Variants in ZNF627 observed in about 807,000 individuals in gnomAD.
ZNF627 encodes the protein zinc finger protein 627.
A neutral mutation model predicts 10.6 loss-of-function variants in ZNF627; 12 were observed. The ratio of observed to expected loss-of-function variants is 1.13; its 90% CI spans 0.73 to 1.84. The LOEUF (loss-of-function observed/expected upper bound fraction) is 1.84. Among genes scored for constraint, ZNF627 ranks in the 40% most tolerant of loss-of-function variants. The pLI is 0.00. For missense variants in ZNF627, 504 were observed against 568.4 expected, an observed-to-expected ratio of 0.89 and a Z score of 1.15; for synonymous variants, 176 against 187.1, an observed-to-expected ratio of 0.94 and a Z score of 0.48.
rs1310184494 is a variant in ZNF627, at chr19:11,617,500, G to A, written c.997G>A (p.Gly333Arg). ...ACACATGATAAAGCACACTGGCAAT[G>A]GACCTTATAAATGTAAGGTGTGTGG... ...RRHMIKHTGN[G>R]PYKCKVCGKA... The change falls in exon 4 of 4, where the codon GGA (glycine) becomes AGA (arginine). Residue 333 changes from glycine (G) to arginine (R), a missense_variant. Coordinates refer to ENST00000361113, the MANE Select transcript of ZNF627 (RefSeq NM_145295.4). 6.2e-7 allele frequency: 1 copy of A among 1,613,162 alleles called. No homozygotes were observed. The highest frequency in any genetic ancestry group is 1.7e-5 in the Admixed American group (1 of 59,900).
chr19:11,606,805 C>G (rs1049329262), intron 1 of ZNF627, among the ~76,000 whole-genome samples: 2 of 152,238 alleles, frequency 1.3e-5, no homozygotes, highest in African/African-American at 4.8e-5. Context: ...AGGACCAACA[C>G]CACATGGCAG....
At chr19:11,603,659 A>T (rs758143652) in intron 1 of ZNF627, among the ~76,000 whole-genome samples, 3 of 152,100 alleles carry the variant, frequency 2.0e-5, no homozygotes, top group African/African-American at 7.2e-5. Flanking sequence ...TCTATTTCAC[A>T]TAGCTGTGAA....
rs767581301 is a variant in ZNF627 at position 11,597,646 on chromosome 19, C to G, written c.3+16C>G. 6.0e-6 allele frequency: 8 copies of G among 1,337,052 alleles called. No homozygotes were observed. Among genetic ancestry groups the G allele is most frequent in the Non-Finnish European group, 7.7e-6 (8 of 1,037,398 alleles). 82.8% of individuals were successfully genotyped at this position (1,337,052 alleles called of 1,614,324 possible). On this transcript the variant is annotated intron_variant, in intron 1 of 3. Transcript: ENST00000361113. ...CCGAGAAATGGTGCGTGTGAGGGGT[C>G]AGGCGTCCCCAGACCTGGGGGAGGG...
intron 1 of ZNF627, among the ~76,000 whole-genome samples, chr19:11,603,720 T>A (rs35675058): frequency 0.41 from 62,846 of 151,952 alleles, 13,287 homozygotes; most frequent in Non-Finnish European, 0.47. Flanking sequence ...AAACTTTATT[T>A]TTTAGACCGG....
chr19:11,613,970 G>A (rs1448515491), intron 1 of ZNF627, among the ~76,000 whole-genome samples: 1 of 146,154 alleles, frequency 6.8e-6, no homozygotes, highest in Non-Finnish European at 1.5e-5. Flanking sequence ...CACCCGGTCT[G>A]GAGTGCAGTG....
At chr19:11,597,692 A>G (rs544272621) in intron 1 of ZNF627, 62 bp downstream of exon 1, 3 of 1,326,196 alleles carry the variant, frequency 2.3e-6, no homozygotes, top group South Asian at 2.8e-5. Context: ...ACCGGCCGGA[A>G]CCGGCTGTGG....
At chr19:11,598,551 G>T (rs1973531802) in intron 1 of ZNF627, among the ~76,000 whole-genome samples, 1 of 152,174 alleles carries the variant, frequency 6.6e-6, no homozygotes. Flanking sequence ...ACACTCCCCA[G>T]GGGGACAGGG....
rs747117108 is a variant in ZNF627 at position 11,617,375 on chromosome 19, C to T, written c.872C>T (p.Ala291Val). 6.2e-6 allele frequency: 10 copies of T among 1,613,930 alleles called. No homozygotes were observed. Among genetic ancestry groups the T allele is most frequent in the Non-Finnish European group, 7.6e-6 (9 of 1,180,016 alleles). The change falls in exon 4 of 4, where the codon GCC (alanine) becomes GTC (valine). Residue 291 changes from alanine to valine, a missense_variant. Physicochemically the swap from Ala to Val is moderately conservative, Grantham distance 64 (BLOSUM62 0). Transcript: ENST00000361113. ...CKQCGKAFRC[A>V]SSVRSHERTH... ...CAGTGCGGTAAAGCCTTTAGGTGCG[C>T]CAGTTCTGTTCGAAGTCACGAGAGG... is the stretch of plus-strand genomic sequence containing the variant.
intron 1 of ZNF627, among the ~76,000 whole-genome samples, chr19:11,605,649 T>C (rs933896154): frequency 6.6e-6 from 1 of 152,036 alleles, no homozygotes; most frequent in African/African-American, 2.4e-5. Context: ...AATGATTAAA[T>C]TATCTCCCAC....
chr19:11,617,171 A>T lies in ZNF627; in HGVS notation c.668A>T (p.Tyr223Phe). 1.2e-6 allele frequency: 2 copies of T among 1,613,882 alleles called. No homozygotes were observed. Among genetic ancestry groups the T allele is most frequent in the African/African-American group, 1.3e-5 (1 of 74,992 alleles). ...HERSHTGEKPYECKQCGKAFS... is the reference protein window; with the variant it reads ...HERSHTGEKPFECKQCGKAFS... ...AGAAGTCACACTGGAGAGAAACCTT[A>T]TGAATGCAAGCAATGTGGGAAAGCC... is the stretch of plus-strand genomic sequence containing the variant. Residue 223 changes from tyrosine to phenylalanine, a missense_variant, in exon 4 of 4, where the codon TAT becomes TTT. Tyr to Phe is a conservative substitution (Grantham distance 22). Coordinates refer to ENST00000361113, the MANE Select transcript of ZNF627 (RefSeq NM_145295.4).
intron 1 of ZNF627, among the ~76,000 whole-genome samples, chr19:11,605,358 C>T (rs1035417274): frequency 6.6e-5 from 10 of 151,910 alleles, no homozygotes; most frequent in African/African-American, 2.4e-4. Flanking sequence ...CCTAGTTTTT[C>T]CCAGGGCTCT....
rs370408033 is a variant in ZNF627 at position 11,614,036 on chromosome 19, C to T, written c.4-491C>T. Among the ~76,000 whole-genome samples the T allele has an allele frequency of 2.0e-5, 3 of 151,288 alleles. No individual in the cohort carries two copies. The South Asian group carries it at 6.2e-4, about 32-fold the overall frequency. ...TTCTGGGTTCACGCCATTCTTCTAC[C>T]TCAGCCTCCTGAGTAGCTGGGACTA... On this transcript the variant is annotated intron_variant, in intron 1 of 3. Coordinates refer to ENST00000361113, the MANE Select transcript of ZNF627 (RefSeq NM_145295.4).
chr19:11,597,527 C>G lies in ZNF627; in HGVS notation c.-101C>G, dbSNP rs1726132628. 2 of 1,230,010 alleles carry G rather than the reference C, an allele frequency of 1.6e-6. No individual in the cohort carries two copies. The highest frequency in any genetic ancestry group is 4.0e-5 in the Admixed American group (1 of 25,044). 76.2% of individuals were successfully genotyped at this position (1,230,010 alleles called of 1,614,324 possible). On this transcript the variant is annotated 5_prime_UTR_variant, in exon 1 of 4. Transcript: ENST00000361113. ...ACCCGGGCTCGCGTCTCCGTTTCTC[C>G]GAGAGGCCCAAGGTGTCTCCGCCGC...
At chr19:11,601,013 A>G (rs892451037) in intron 1 of ZNF627, among the ~76,000 whole-genome samples, 1 of 152,222 alleles carries the variant, frequency 6.6e-6, no homozygotes, top group Non-Finnish European at 1.5e-5. Context: ...AATTAAATGC[A>G]TAACCTTGAC....
Position 11,617,872 on chromosome 19 carries a change from G to A in ZNF627, c.1369G>A (p.Val457Ile). ...GAACCCTAACCCTAACGCTTCAGTT[G>A]TCCCAGTTCTTTCATGAGCATGAAA... Reference protein sequence around the residue: ...YENPNPNASVVPVLS With the variant: ...YENPNPNASVIPVLS The change falls in exon 4 of 4, where the codon GTC (valine) becomes ATC (isoleucine). Residue 457 changes from valine (V) to isoleucine (I), a missense_variant. Val to Ile is a conservative substitution (Grantham distance 29). Transcript: ENST00000361113. 2 of 1,540,638 alleles carry A rather than the reference G, an allele frequency of 1.3e-6. No individual in the cohort carries two copies. Among genetic ancestry groups the A allele is most frequent in the Admixed American group, 2.1e-5 (1 of 47,108 alleles).
At position 11,618,120 on chromosome 19, in the gene ZNF627, C is replaced by T. The variant is rs892276769; in HGVS notation, c.*231C>T. Reference sequence around the variant, plus strand: ...TTGGTAGGTTAGGAACTAGATTTCCCAGAATCCATTCCATTTGTGATTCCA... The same window carrying T: ...TTGGTAGGTTAGGAACTAGATTTCCTAGAATCCATTCCATTTGTGATTCCA... On this transcript the variant is annotated 3_prime_UTR_variant, in exon 4 of 4. Coordinates refer to ENST00000361113, the MANE Select transcript of ZNF627 (RefSeq NM_145295.4). 4.5e-6 allele frequency: 2 copies of T among 443,822 alleles called. No individual in the cohort carries two copies. Among genetic ancestry groups the T allele is most frequent in the Non-Finnish European group, 7.9e-6 (2 of 254,490 alleles). The allele number at this position is 443,822 out of a possible 1,614,324, so 27.5% of individuals were successfully genotyped here.
At chr19:11,611,332 A>G (rs1379873471) in intron 1 of ZNF627, among the ~76,000 whole-genome samples, 2 of 151,228 alleles carry the variant, frequency 1.3e-5, no homozygotes, top group African/African-American at 4.9e-5. Context: ...CTGACACAGA[A>G]TTATTTATTT....
chr19:11,602,030 A>G (rs931853020), intron 1 of ZNF627, among the ~76,000 whole-genome samples: 4 of 146,286 alleles, frequency 2.7e-5, no homozygotes, highest in African/African-American at 1.0e-4. Context: ...AAAAAAAAAA[A>G]TCTGCAAGCA....
rs1450285738 is a variant in ZNF627 at position 11,617,850 on chromosome 19, C to T, written c.1347C>T (p.Asn449=). The change falls in exon 4 of 4, where the codon AAC becomes AAT. Residue 449 remains asparagine, a synonymous_variant. Coordinates refer to ENST00000361113, the MANE Select transcript of ZNF627 (RefSeq NM_145295.4). ...ATACTGGAGAGAAACCCTATGAGAACCCTAACCCTAACGCTTCAGTTGTCC... is the reference window on the plus strand; with the variant it reads ...ATACTGGAGAGAAACCCTATGAGAATCCTAACCCTAACGCTTCAGTTGTCC... ...KIHTGEKPYE[N]PNPNASVVPV... is the part of the protein sequence containing the mutation. The T allele has an allele frequency of 6.3e-7, 1 of 1,578,034 alleles. No homozygotes were observed. Among genetic ancestry groups the T allele is most frequent in the Middle Eastern group, 1.7e-4 (1 of 5,886 alleles).
Sources: gnomAD v4.1 joint callset for allele counts (sites outside exome capture counted in the v4.1 genomes callset) on GRCh38, gnomAD v4.1.1 for gene constraint, MANE v1.5 for transcripts, NCBI Gene and HGNC (gene_info 2026-07-23, HGNC 2026-07-21) for gene names.